The following PPAT variants were observed in gnomAD, a reference collection of about 807,000 sequenced individuals.
PPAT encodes amidophosphoribosyltransferase.
A neutral mutation model predicts 60.2 loss-of-function variants in PPAT; 20 were observed. The observed-to-expected ratio is 0.33, with a 90% confidence interval of 0.23 to 0.48. The LOEUF (loss-of-function observed/expected upper bound fraction) is 0.48, where lower values mean the gene tolerates loss of function less well. Ranked by LOEUF, PPAT falls within the 20% of genes least tolerant of loss-of-function variation. The pLI, the probability that PPAT is intolerant of heterozygous loss-of-function variation, is 0.99. For synonymous variants in PPAT, 194 were observed against 215.1 expected, an observed-to-expected ratio of 0.90 and a Z score of 0.86; for missense variants, 349 against 629.6, an observed-to-expected ratio of 0.55 and a Z score of 4.77.
rs1010124617 is a variant in PPAT, at chr4:56,410,930, A to T, written c.129-3214T>A. 51 of 887,064 alleles carry T rather than the reference A, an allele frequency of 5.7e-5. No homozygotes were observed. In the South Asian group the frequency reaches 1.6e-3, roughly 27 times the overall value. 54.9% of individuals were successfully genotyped at this position (887,064 alleles called of 1,614,324 possible). On this transcript the variant is annotated intron_variant, in intron 1 of 10. Coordinates refer to ENST00000264220, the MANE Select transcript of PPAT (RefSeq NM_002703.5). ...AAAAAAAAAAAAAAAAAAAAAAAAG[A>T]AAAGTACTCTTGTTTTTCTTTTGTT...
At chr4:56,403,861 A>G (rs1282497343) in intron 3 of PPAT, 2 of 296,308 alleles carry the variant, frequency 6.7e-6, no homozygotes, top group Non-Finnish European at 1.4e-5. Context: ...ACAGCTCACA[A>G]CAGGGTTCAT....
At chr4:56,432,328 G>T (rs1455176768) in intron 1 of PPAT, among the ~76,000 whole-genome samples, 1 of 152,064 alleles carries the variant, frequency 6.6e-6, no homozygotes, top group Non-Finnish European at 1.5e-5. Context: ...AGGAGTTCAA[G>T]ACCAGCCTGG....
chr4:56,400,697 ATGT>A, intron 8 of PPAT, 84 bp downstream of exon 8: 1 of 1,344,538 alleles, frequency 7.4e-7, no homozygotes, highest in Non-Finnish European at 9.9e-7. Context: ...CTCCTTAGAA[ATGT>A]TGATGAGTTT....
chr4:56,394,476 A>G lies in PPAT; in HGVS notation c.*876T>C, dbSNP rs1715914133. On this transcript the variant is annotated 3_prime_UTR_variant, in exon 11 of 11. Coordinates refer to ENST00000264220, the MANE Select transcript of PPAT (RefSeq NM_002703.5). ...ATAAAGGGATTGTTTGAATCTAAAA[A>G]TTTGGTTTTTATTTCAAATGTACCA... 1 of 152,168 alleles carries G rather than the reference A, an allele frequency of 6.6e-6. No homozygotes were observed. Among genetic ancestry groups the G allele is most frequent in the African/African-American group, 2.4e-5 (1 of 41,440 alleles). 9.4% of individuals were successfully genotyped at this position (152,168 alleles called of 1,614,324 possible).
chr4:56,399,532 G>C, intron 8 of PPAT, 132 bp from the exon 9 acceptor site: 1 of 735,022 alleles, frequency 1.4e-6, no homozygotes, highest in Non-Finnish European at 2.1e-6. Context: ...TTGGAAAAAA[G>C]GCAAAAAGAA....
At chr4:56,403,489 C>T in intron 3 of PPAT, 88 bp from the exon 4 acceptor site, 4 of 629,004 alleles carry the variant, frequency 6.4e-6, no homozygotes, top group South Asian at 2.7e-5. Flanking sequence ...GAAAATAAGG[C>T]ATTCTGTGGA....
At chr4:56,399,523 T>G in intron 8 of PPAT, 123 bp from the exon 9 acceptor site, 1 of 823,980 alleles carries the variant, frequency 1.2e-6, no homozygotes, top group Non-Finnish European at 1.8e-6. Context: ...CTTTATTATT[T>G]GGAAAAAAGG....
intron 1 of PPAT, among the ~76,000 whole-genome samples, chr4:56,417,170 C>A (rs1716798665): frequency 6.6e-6 from 1 of 152,008 alleles, no homozygotes. Context: ...CTTATTGAAG[C>A]TAGAAGCAAA....
In PPAT at chr4:56,408,137, A is replaced by G. The variant is rs544920673; in HGVS notation, c.129-421T>C. The G allele has an allele frequency of 5.5e-4, 88 of 158,686 alleles. 1 individual carries two copies. Among genetic ancestry groups the G allele is most frequent in the Middle Eastern group, 3.1e-3 (1 of 318 alleles). 9.8% of individuals were successfully genotyped at this position (158,686 alleles called of 1,614,324 possible). ...TTGTTCTATACAATGACTAGAGAGA[A>G]TTAAAAGACATCAGAGACAGCCGGG... On this transcript the variant is annotated intron_variant, in intron 1 of 10. Coordinates refer to ENST00000264220, the MANE Select transcript of PPAT (RefSeq NM_002703.5).
chr4:56,401,994 T>A (rs1716123887), intron 6 of PPAT, 115 bp downstream of exon 6: 2 of 732,876 alleles, frequency 2.7e-6, no homozygotes, highest in Non-Finnish European at 4.3e-6. Context: ...TTATAAATAT[T>A]TTCTTGCAGA....
chr4:56,433,102 A>G (rs771708863), intron 1 of PPAT, among the ~76,000 whole-genome samples: 1 of 151,764 alleles, frequency 6.6e-6, no homozygotes, highest in South Asian at 2.1e-4. Flanking sequence ...CCAAGACATA[A>G]GGGAGTGTCA....
At chr4:56,428,515 AAAAAATGGCAACCCTCCAAG>A (rs1243884971) in intron 1 of PPAT, among the ~76,000 whole-genome samples, 65 of 152,314 alleles carry the variant, frequency 4.3e-4, no homozygotes, top group African/African-American at 1.5e-3. Flanking sequence ...TTTTACAAAG[AAAAAATGGCAACCCTCCAAG>A]AAAAATGAGA....
At chr4:56,419,411 T>C (rs537983839) in intron 1 of PPAT, among the ~76,000 whole-genome samples, 12 of 152,308 alleles carry the variant, frequency 7.9e-5, no homozygotes, top group African/African-American at 2.2e-4. Flanking sequence ...AACACAACTT[T>C]ATTAAAGCCA....
chr4:56,435,583 G>A lies in PPAT; in HGVS notation c.-106C>T. 2.5e-6 allele frequency: 4 copies of A among 1,576,302 alleles called. No individual in the cohort carries two copies. Among genetic ancestry groups the A allele is most frequent in the East Asian group, 2.2e-5 (1 of 44,572 alleles). The stretch of plus-strand genomic sequence containing the variant: ...AGCTCAGAAGCTCGCGCTCGCGACA[G>A]GCTCTTCCTTCCCGAGGGTGGCCCC... On this transcript the variant is annotated 5_prime_UTR_variant, in exon 1 of 11. Transcript: ENST00000264220.
chr4:56,434,543 A>T (rs1717792494), intron 1 of PPAT, among the ~76,000 whole-genome samples: 1 of 152,230 alleles, frequency 6.6e-6, no homozygotes, highest in Admixed American at 6.5e-5. Context: ...AATTTTTTTT[A>T]ACTCGAAAGG....
In PPAT at chr4:56,396,462, CT is replaced by C; in HGVS notation, c.1357+156del. ...ACTCTGTGGTGTCTGCCCATGCCCA[CT>C]ACTCTCACTGTTGAGAATAGTATTC... On this transcript the variant is annotated intron_variant, in intron 10 of 10. Coordinates refer to ENST00000264220, the MANE Select transcript of PPAT (RefSeq NM_002703.5). The surrounding 1 kb of genome is among the most constrained non-coding windows in gnomAD (Gnocchi z 4.6). The C allele has an allele frequency of 1.5e-6, 1 of 675,528 alleles. No homozygotes were observed. Among genetic ancestry groups the C allele is most frequent in the Non-Finnish European group, 2.3e-6 (1 of 439,422 alleles). 41.8% of individuals were successfully genotyped at this position (675,528 alleles called of 1,614,324 possible). A position where few individuals can be genotyped will look rare whatever the true frequency, so the allele number is the denominator to read the frequency against.
intron 1 of PPAT, among the ~76,000 whole-genome samples, chr4:56,417,149 G>A (rs11935357): frequency 0.37 from 55,584 of 151,950 alleles, 10,513 homozygotes; most frequent in Non-Finnish European, 0.41. Context: ...GCACCCGGCC[G>A]CTTCTAATTT....
Position 56,401,718 on chromosome 4 carries a change from A to G in PPAT, c.735-237T>C, listed in dbSNP as rs116015206. 9.7e-3 allele frequency among the ~76,000 whole-genome samples: 1,474 copies of G among 152,226 alleles called. 19 individuals are homozygous for G. The highest frequency in any genetic ancestry group is 0.033 in the African/African-American group (1,374 of 41,556). ...TAAAAAATTAAGGGCCCTAAGTTGT[A>G]TTGAATTTTAAAAGAATAAAGTATA... is the stretch of plus-strand genomic sequence containing the variant. On this transcript the variant is annotated intron_variant, in intron 6 of 10. Transcript: ENST00000264220.
At chr4:56,397,192 C>G (rs1337870789) in intron 9 of PPAT, among the ~76,000 whole-genome samples, 1 of 152,028 alleles carries the variant, frequency 6.6e-6, no homozygotes, top group African/African-American at 2.4e-5. Context: ...CCCATTTTTG[C>G]TACGCAGTCT....
Sources: allele counts gnomAD v4.1 joint callset (sites outside exome capture counted in the v4.1 genomes callset), GRCh38; gene constraint gnomAD v4.1.1; non-coding constraint Gnocchi (gnomAD v3.1); transcripts MANE v1.5; gene names NCBI Gene and HGNC (gene_info 2026-07-23, HGNC 2026-07-21).